Variants in EEF1AKMT1 observed in about 807,000 individuals in gnomAD.
EEF1AKMT1 encodes the protein N-6 adenine-specific DNA methyltransferase 2 (putative).
A neutral mutation model predicts 21.0 loss-of-function variants in EEF1AKMT1; 18 were observed. The observed-to-expected ratio is 0.86, with a 90% CI of 0.59 to 1.27. EEF1AKMT1 has a LOEUF of 1.27. Among genes scored for constraint, EEF1AKMT1 ranks in the 50% most tolerant of loss-of-function variants. The probability of loss-of-function intolerance (pLI) is 0.00; values close to 1 mark genes in which losing one functional copy is unlikely to be tolerated. For synonymous variants in EEF1AKMT1, 109 were observed against 94.8 expected (o/e 1.15, Z -0.87); for missense variants, 246 against 258.6 (o/e 0.95, Z 0.33).
chr13:20,756,998 C>G (rs1403129297), intron 2 of EEF1AKMT1, among the ~76,000 whole-genome samples: 1 of 152,164 alleles, frequency 6.6e-6, no homozygotes, highest in Non-Finnish European at 1.5e-5. Context: ...ACCCTCTTCA[C>G]CCTCCAATGT....
chr13:20,770,697 G>A (rs1463563351), intron 1 of EEF1AKMT1, among the ~76,000 whole-genome samples: 1 of 152,070 alleles, frequency 6.6e-6, no homozygotes, highest in East Asian at 1.9e-4. Context: ...CAGGCAACTA[G>A]TAAAAGCCAA....
intron 4 of EEF1AKMT1, among the ~76,000 whole-genome samples, chr13:20,730,300 C>T (rs2141408779): frequency 6.6e-6 from 1 of 152,300 alleles, no homozygotes; most frequent in South Asian, 2.1e-4. Flanking sequence ...GAACAGAGCG[C>T]CCCTTCCCAC....
chr13:20,730,083 T>A (rs1297302076), intron 4 of EEF1AKMT1, among the ~76,000 whole-genome samples: 1 of 152,230 alleles, frequency 6.6e-6, no homozygotes, highest in Non-Finnish European at 1.5e-5. Flanking sequence ...TGGGGCAAAG[T>A]GCAGATCCCT....
intron 2 of EEF1AKMT1, among the ~76,000 whole-genome samples, chr13:20,753,019 T>C (rs1469177676): frequency 6.6e-6 from 1 of 152,102 alleles, no homozygotes; most frequent in Non-Finnish European, 1.5e-5. Flanking sequence ...TTTCTTAAGG[T>C]GCATTGTTAG....
At chr13:20,742,488 T>A (rs2058877224) in intron 2 of EEF1AKMT1, among the ~76,000 whole-genome samples, 1 of 152,082 alleles carries the variant, frequency 6.6e-6, no homozygotes, top group African/African-American at 2.4e-5. Flanking sequence ...TGGGGCAAGA[T>A]AAAAATATGA....
intron 2 of EEF1AKMT1, chr13:20,747,405 C>A (rs922263770): frequency 1.3e-5 from 3 of 222,886 alleles, no homozygotes; most frequent in Admixed American, 8.3e-5. Flanking sequence ...TTGCCCTCAA[C>A]ACAATGGGGA....
chr13:20,733,094 C>CTTT (rs56061412), intron 3 of EEF1AKMT1, among the ~76,000 whole-genome samples: 2,528 of 126,474 alleles, frequency 0.02, 99 homozygotes, highest in Non-Finnish European at 0.023. Context: ...CTGTGATACA[C>CTTT]TTTTTTTTTT....
chr13:20,752,653 G>A (rs555908291), intron 2 of EEF1AKMT1, among the ~76,000 whole-genome samples: 1 of 152,090 alleles, frequency 6.6e-6, no homozygotes, highest in African/African-American at 2.4e-5. Flanking sequence ...GATAATGCTG[G>A]CCTCATAGAA....
At chr13:20,756,311 T>C (rs902526080) in intron 2 of EEF1AKMT1, among the ~76,000 whole-genome samples, 1 of 152,152 alleles carries the variant, frequency 6.6e-6, no homozygotes, top group Non-Finnish European at 1.5e-5. Context: ...ATGTTAGGAG[T>C]TTCCTTCAAC....
chr13:20,759,869 C>A (rs2058991142), intron 1 of EEF1AKMT1, among the ~76,000 whole-genome samples: 1 of 151,908 alleles, frequency 6.6e-6, no homozygotes, highest in East Asian at 1.9e-4. Context: ...CTTTGGGAGG[C>A]CAAGGCCAGT....
At chr13:20,752,499 C>T (rs2058947495) in intron 2 of EEF1AKMT1, among the ~76,000 whole-genome samples, 1 of 152,186 alleles carries the variant, frequency 6.6e-6, no homozygotes, top group South Asian at 2.1e-4. Flanking sequence ...ATAAATCCCA[C>T]TTAATCATGG....
At chr13:20,747,818 C>A in intron 2 of EEF1AKMT1, 1 of 161,650 alleles carries the variant, frequency 6.2e-6, no homozygotes. Context: ...TAATGGCATG[C>A]TGGGCTTGGA....
intron 2 of EEF1AKMT1, among the ~76,000 whole-genome samples, chr13:20,756,805 G>C (rs1008214142): frequency 1.5e-4 from 23 of 151,836 alleles, no homozygotes; most frequent in African/African-American, 5.6e-4. Context: ...CTACACTGTT[G>C]TGCCCACCTT....
In EEF1AKMT1 at chr13:20,770,882, ATTTT is replaced by A. The variant is rs753381466; in HGVS notation, c.-20+3035_-20+3038del. 2.7e-5 allele frequency among the ~76,000 whole-genome samples: 4 copies of A among 145,684 alleles called. No homozygotes were observed. In the East Asian group the frequency reaches 6.0e-4, roughly 22 times the overall value. On this transcript the variant is annotated intron_variant, in intron 1 of 4. Coordinates refer to ENST00000382758, the MANE Select transcript of EEF1AKMT1 (RefSeq NM_001318939.2). ...ATATATATTTATCCTTGACATATAA[ATTTT>A]TTTTTTTTTTTGAGACAGGGTTTCA...
chr13:20,765,134 AC>A (rs1156844151), intron 1 of EEF1AKMT1, among the ~76,000 whole-genome samples: 1 of 151,816 alleles, frequency 6.6e-6, no homozygotes, highest in Non-Finnish European at 1.5e-5. Context: ...GGTGGAGGGC[AC>A]CTGTAATCCC....
chr13:20,750,598 G>A (rs184897818), intron 2 of EEF1AKMT1, among the ~76,000 whole-genome samples: 15 of 152,072 alleles, frequency 9.9e-5, no homozygotes, highest in Admixed American at 3.3e-4. Flanking sequence ...ATTTATTGAC[G>A]GACAGGTTGA....
intron 3 of EEF1AKMT1, among the ~76,000 whole-genome samples, chr13:20,733,094 C>CTT (rs56061412): frequency 0.21 from 27,012 of 126,368 alleles, 4,543 homozygotes; most frequent in East Asian, 0.73. Flanking sequence ...CTGTGATACA[C>CTT]TTTTTTTTTT....
At position 20,753,952 on chromosome 13, in the gene EEF1AKMT1, A is replaced by C. The variant is rs2141429092; in HGVS notation, c.144+3503T>G. 2.0e-5 allele frequency among the ~76,000 whole-genome samples: 3 copies of C among 152,124 alleles called. No individual in the cohort carries two copies. The South Asian group carries it at 6.2e-4, about 32-fold the overall frequency. ...GGTTGTTGTTGATATGTGAGGGCTTATTCCTATCATTCTATTAATTTATTT... is the reference window on the plus strand; with the variant it reads ...GGTTGTTGTTGATATGTGAGGGCTTCTTCCTATCATTCTATTAATTTATTT... On this transcript the variant is annotated intron_variant, in intron 2 of 4. Transcript: ENST00000382758.
intron 2 of EEF1AKMT1, among the ~76,000 whole-genome samples, chr13:20,746,525 G>C (rs937974763): frequency 2.6e-5 from 4 of 152,178 alleles, no homozygotes; most frequent in African/African-American, 9.6e-5. Context: ...CTGGAAGAAA[G>C]CCCCTAGCAT....
Sources: gnomAD v4.1 joint callset for allele counts (sites outside exome capture counted in the v4.1 genomes callset) on GRCh38, gnomAD v4.1.1 for gene constraint, MANE v1.5 for transcripts, NCBI Gene and HGNC (gene_info 2026-07-23, HGNC 2026-07-21) for gene names.